CPA6: variants seen among roughly 807,000 people sequenced by gnomAD.
The protein encoded by CPA6 is carboxypeptidase B.
A neutral mutation model predicts 63.3 loss-of-function variants in CPA6; 58 were observed. The observed-to-expected ratio is 0.92, with a 90% CI of 0.74 to 1.14. The LOEUF (loss-of-function observed/expected upper bound fraction) is 1.14, where lower values mean the gene tolerates loss of function less well. CPA6 is among the 50% of genes most tolerant of loss of function. The pLI is 0.00. For synonymous variants in CPA6, 185 were observed against 179.0 expected (o/e 1.03, Z -0.27); for missense variants, 565 against 526.6 (o/e 1.07, Z -0.71).
intron 8 of CPA6, among the ~76,000 whole-genome samples, chr8:67,453,851 A>C (rs1810612030): frequency 6.6e-6 from 1 of 152,258 alleles, no homozygotes; most frequent in Non-Finnish European, 1.5e-5. Flanking sequence ...TAGAGACATA[A>C]TAAAATGAGA....
intron 1 of CPA6, among the ~76,000 whole-genome samples, chr8:67,718,060 CATT>C (rs1046843868): frequency 6.6e-5 from 10 of 152,082 alleles, no homozygotes; most frequent in Non-Finnish European, 1.0e-4. Flanking sequence ...GTGTGACATT[CATT>C]ATGTTTTGCC....
At chr8:67,507,527 C>T (rs947392934) in intron 5 of CPA6, among the ~76,000 whole-genome samples, 1 of 152,078 alleles carries the variant, frequency 6.6e-6, no homozygotes, top group African/African-American at 2.4e-5. Flanking sequence ...GAGATCCTGA[C>T]ATTATAATTA....
At chr8:67,716,740 C>G (rs1386704956) in intron 1 of CPA6, among the ~76,000 whole-genome samples, 1 of 152,170 alleles carries the variant, frequency 6.6e-6, no homozygotes, top group East Asian at 1.9e-4. Flanking sequence ...GCAGGTTTGC[C>G]TGATGCCATT....
intron 8 of CPA6, among the ~76,000 whole-genome samples, chr8:67,465,056 G>A (rs1810896129): frequency 6.6e-6 from 1 of 152,136 alleles, no homozygotes; most frequent in Non-Finnish European, 1.5e-5. Context: ...AATGATGTTG[G>A]TATTTTGATA....
chr8:67,693,270 G>C (rs75657927), intron 1 of CPA6, among the ~76,000 whole-genome samples: 1 of 152,298 alleles, frequency 6.6e-6, no homozygotes, highest in Non-Finnish European at 1.5e-5. Context: ...TTCTCCTCAT[G>C]TAAATGTCTT....
chr8:67,472,397 TTTATTTTATCTTATC>T (rs879569240), intron 8 of CPA6, among the ~76,000 whole-genome samples: 5,643 of 118,214 alleles, frequency 0.048, 160 homozygotes, highest in African/African-American at 0.097. Flanking sequence ...TTTATTTTAT[TTTATTTTATCTTATC>T]TTATTTTATT....
intron 2 of CPA6, among the ~76,000 whole-genome samples, chr8:67,541,410 G>T (rs189971673): frequency 2.6e-5 from 4 of 152,258 alleles, no homozygotes; most frequent in Admixed American, 2.6e-4. Flanking sequence ...GGTAGTTAAA[G>T]ATCGACCCCT....
intron 2 of CPA6, among the ~76,000 whole-genome samples, chr8:67,544,548 C>G (rs1450664665): frequency 6.6e-6 from 1 of 152,170 alleles, no homozygotes; most frequent in Admixed American, 6.5e-5. Flanking sequence ...AAACAGATGT[C>G]CCATATCCTC....
At chr8:67,688,659 T>G (rs573855804) in intron 1 of CPA6, among the ~76,000 whole-genome samples, 42 of 152,328 alleles carry the variant, frequency 2.8e-4, no homozygotes, top group African/African-American at 9.4e-4. Context: ...AAAGTTCTTT[T>G]CTGCCCCATT....
intron 1 of CPA6, among the ~76,000 whole-genome samples, chr8:67,644,719 G>C (rs1164406256): frequency 6.6e-6 from 1 of 152,142 alleles, no homozygotes; most frequent in Non-Finnish European, 1.5e-5. Flanking sequence ...GACTCTTGTT[G>C]GCTTGCACAT....
chr8:67,563,454 CCTT>C (rs1813262725), intron 2 of CPA6, among the ~76,000 whole-genome samples: 1 of 152,142 alleles, frequency 6.6e-6, no homozygotes, highest in Non-Finnish European at 1.5e-5. Flanking sequence ...CTAAATATCA[CCTT>C]TTTTTCTAAA....
intron 1 of CPA6, among the ~76,000 whole-genome samples, chr8:67,663,134 A>C (rs1198948906): frequency 1.3e-5 from 2 of 152,168 alleles, no homozygotes; most frequent in Non-Finnish European, 2.9e-5. Flanking sequence ...ATAAAAACTA[A>C]ATGTATGCAC....
chr8:67,714,498 T>C (rs1817337354), intron 1 of CPA6, among the ~76,000 whole-genome samples: 1 of 152,140 alleles, frequency 6.6e-6, no homozygotes, highest in Non-Finnish European at 1.5e-5. Context: ...GCTCAGGAGG[T>C]TTGCTTGAGC....
At chr8:67,496,519 TTATATATATATATATATATATA>T (rs1163959938) in intron 6 of CPA6, among the ~76,000 whole-genome samples, 79 of 94,124 alleles carry the variant, frequency 8.4e-4, no homozygotes, top group African/African-American at 3.3e-3. Context: ...ACTATATAGT[TTATATATATATATATATATATA>T]TATATATATA....
At chr8:67,725,551 CA>C (rs1817581308) in intron 1 of CPA6, among the ~76,000 whole-genome samples, 1 of 152,092 alleles carries the variant, frequency 6.6e-6, no homozygotes, top group African/African-American at 2.4e-5. Context: ...GAGATGGAGT[CA>C]CTCTGTCACC....
intron 3 of CPA6, among the ~76,000 whole-genome samples, chr8:67,512,214 A>C (rs1340358225): frequency 6.6e-6 from 1 of 152,198 alleles, no homozygotes; most frequent in Non-Finnish European, 1.5e-5. Flanking sequence ...ATGAAAACTG[A>C]GCCTAGGCTT....
rs1019111380 is a variant in CPA6, at chr8:67,746,231, G to C, written c.-102C>G. On this transcript the variant is annotated 5_prime_UTR_variant, in exon 1 of 11. Coordinates refer to ENST00000297770, the MANE Select transcript of CPA6 (RefSeq NM_020361.5). The stretch of plus-strand genomic sequence containing the variant: ...CACCGCACAGGTTCTCCGGGAAGGG[G>C]GTGGGCGAGGAAGGTTGAGAGTGAG... 6 of 731,480 alleles carry C rather than the reference G, an allele frequency of 8.2e-6. No homozygotes were observed. The highest frequency in any genetic ancestry group is 8.7e-6 in the Non-Finnish European group (4 of 457,872). 45.3% of individuals were successfully genotyped at this position (731,480 alleles called of 1,614,324 possible). A position where few individuals can be genotyped will look rare whatever the true frequency, so the allele number is the denominator to read the frequency against.
chr8:67,665,009 T>C (rs957194940), intron 1 of CPA6, among the ~76,000 whole-genome samples: 4 of 152,138 alleles, frequency 2.6e-5, no homozygotes, highest in African/African-American at 9.7e-5. Context: ...ATGGTTACAG[T>C]AACCCAGAAA....
At chr8:67,628,822 G>GA (rs1172174430) in intron 1 of CPA6, among the ~76,000 whole-genome samples, 3 of 152,168 alleles carry the variant, frequency 2.0e-5, no homozygotes, top group Non-Finnish European at 2.9e-5. Flanking sequence ...TTCTGGTCAT[G>GA]AAAAAATCAC....
Sources: allele counts gnomAD v4.1 joint callset (sites outside exome capture counted in the v4.1 genomes callset), GRCh38; gene constraint gnomAD v4.1.1; transcripts MANE v1.5; gene names NCBI Gene and HGNC (gene_info 2026-07-23, HGNC 2026-07-21).